Variants in GPATCH8 observed in about 807,000 individuals in gnomAD.
GPATCH8 encodes the protein G-patch domain containing 8.
In GPATCH8, 18 loss-of-function variants were observed where a neutral mutation model predicts 118.3. That is an observed-to-expected ratio of 0.15 (90% confidence interval 0.11 to 0.23). The LOEUF is 0.23. Among genes scored for constraint, GPATCH8 ranks in the 10% least tolerant of loss-of-function variants. The pLI is 1.00. For missense variants in GPATCH8, 1,631 were observed against 1,873.8 expected (o/e 0.87, Z 2.39); for synonymous variants, 659 against 684.7 (o/e 0.96, Z 0.59).
chr17:44,482,613 G>A (rs201819484), intron 1 of GPATCH8, among the ~76,000 whole-genome samples: 1 of 149,702 alleles, frequency 6.7e-6, no homozygotes, highest in Non-Finnish European at 1.5e-5. Context: ...CCTAGATGAC[G>A]GGTTCGTAGG....
intron 1 of GPATCH8, among the ~76,000 whole-genome samples, chr17:44,475,705 A>T (rs1967711306): frequency 6.6e-6 from 1 of 151,242 alleles, no homozygotes; most frequent in Non-Finnish European, 1.5e-5. Context: ...AAAACAAACA[A>T]ACAAACAAAC....
chr17:44,455,393 C>T (rs62081232), intron 3 of GPATCH8, among the ~76,000 whole-genome samples: 75,419 of 151,472 alleles, frequency 0.5, 20,418 homozygotes, highest in Middle Eastern at 0.62. Flanking sequence ...CCCAGCTACT[C>T]GGGAGGCTGA....
rs939059456 is a variant in GPATCH8 at position 44,503,366 on chromosome 17, G to A, written c.5C>T (p.Ala2Val). 5 of 1,608,828 alleles carry A rather than the reference G, an allele frequency of 3.1e-6. No homozygotes were observed. The African/African-American group carries it at 6.7e-5, about 22-fold the overall frequency. The stretch of plus-strand genomic sequence containing the variant: ...TTCGTTGAAGCGGGAGAAGCGGTCC[G>A]CCATTTTGCCGCCTTCACTCCTCTC... M[A>V]DRFSRFNEDR... Residue 2 changes from alanine to valine, a missense_variant, in exon 1 of 8, where the codon GCG becomes GTG. By Grantham distance (64) the Ala-to-Val change is moderately conservative. Transcript: ENST00000591680.
At chr17:44,442,042 T>TA (rs1457670213) in intron 3 of GPATCH8, among the ~76,000 whole-genome samples, 1 of 146,168 alleles carries the variant, frequency 6.8e-6, no homozygotes, top group Non-Finnish European at 1.5e-5. Flanking sequence ...GAGACAAAAA[T>TA]AAAATAAAAT....
Position 44,420,628 on chromosome 17 carries a change from G to A in GPATCH8, c.492+3721C>T, listed in dbSNP as rs537561113. On this transcript the variant is annotated intron_variant, in intron 6 of 7. Transcript: ENST00000591680. ...TGCAATAGAGAAAAGTGGTGGGAGA[G>A]CTGAGGTAACACAAGGTGTGCAGGA... Among the ~76,000 whole-genome samples the A allele has an allele frequency of 2.0e-5, 3 of 152,308 alleles. No individual in the cohort carries two copies. In the East Asian group the frequency reaches 5.8e-4, roughly 29 times the overall value.
At chr17:44,495,981 C>T (rs1969640040) in intron 1 of GPATCH8, among the ~76,000 whole-genome samples, 2 of 152,194 alleles carry the variant, frequency 1.3e-5, no homozygotes, top group Non-Finnish European at 1.5e-5. Context: ...GATTCTCCTG[C>T]CCCAGCCTCC....
At position 44,400,067 on chromosome 17, in the gene GPATCH8, C is replaced by T; in HGVS notation, c.2010G>A (p.Gly670=). ...RSLPSKKERS[G]KSHRHKKKKK... is the part of the protein sequence containing the mutation. ...TTTTCTTTTTGTGCCGGTGGGACTTCCCAGATCGTTCTTTCTTGCTGGGAA... is the reference window on the plus strand; with the variant it reads ...TTTTCTTTTTGTGCCGGTGGGACTTTCCAGATCGTTCTTTCTTGCTGGGAA... Residue 670 remains glycine, a synonymous_variant, in exon 8 of 8, where the codon GGG becomes GGA. Coordinates refer to ENST00000591680, the MANE Select transcript of GPATCH8 (RefSeq NM_001002909.4). 6.2e-7 allele frequency: 1 copy of T among 1,613,946 alleles called. No homozygotes were observed.
At position 44,399,220 on chromosome 17, in the gene GPATCH8, G is replaced by A. The variant is rs777367404; in HGVS notation, c.2857C>T (p.Arg953Cys). 12 of 1,613,770 alleles carry A rather than the reference G, an allele frequency of 7.4e-6. No individual in the cohort carries two copies. The highest frequency in any genetic ancestry group is 1.1e-5 in the South Asian group (1 of 91,074). Residue 953 changes from arginine to cysteine, a missense_variant, in exon 8 of 8, where the codon CGC (arginine) becomes TGC (cysteine). This residue lies in a region of GPATCH8 where 922 missense variants were observed against 879.7 expected (regional missense o/e 1.05). Coordinates refer to ENST00000591680, the MANE Select transcript of GPATCH8 (RefSeq NM_001002909.4). ...RSRSRSHTRE[R>C]SRSRGRSRSS... The stretch of plus-strand genomic sequence containing the variant: ...CGGCTGCGGCCCCGGGATCTTGAGC[G>A]CTCTCTGGTATGACTCCGAGATCGG...
At chr17:44,417,487 G>A (rs1439156604) in intron 6 of GPATCH8, among the ~76,000 whole-genome samples, 1 of 152,056 alleles carries the variant, frequency 6.6e-6, no homozygotes, top group Non-Finnish European at 1.5e-5. Context: ...CTAAAGTGCT[G>A]GGATTACAGG....
Position 44,400,370 on chromosome 17 carries a change from A to G in GPATCH8, c.1707T>C (p.Cys569=), listed in dbSNP as rs773909414. 1 of 1,613,914 alleles carries G rather than the reference A, an allele frequency of 6.2e-7. No individual in the cohort carries two copies. The highest frequency in any genetic ancestry group is 1.1e-5 in the South Asian group (1 of 91,080). The change falls in exon 8 of 8, where the codon TGT becomes TGC. Residue 569 remains cysteine (C), a synonymous_variant. Coordinates refer to ENST00000591680, the MANE Select transcript of GPATCH8 (RefSeq NM_001002909.4). ...TKAEPSISYS[C]NPLYFDFKLS... ...GTTTAAAGTCAAAATATAAAGGGTT[A>G]CAACTGTATGAAATGGAGGGTTCTG...
chr17:44,403,045 C>T (rs570286427), intron 7 of GPATCH8, among the ~76,000 whole-genome samples: 14 of 152,228 alleles, frequency 9.2e-5, no homozygotes, highest in African/African-American at 3.4e-4. Context: ...TCCTAAGTAG[C>T]TATGACTACA....
intron 1 of GPATCH8, among the ~76,000 whole-genome samples, chr17:44,489,163 G>T (rs1294662846): frequency 6.6e-6 from 1 of 152,098 alleles, no homozygotes; most frequent in African/African-American, 2.4e-5. Flanking sequence ...CAAACTGCTA[G>T]AAAATGTGCT....
chr17:44,419,731 G>A (rs2049825377), intron 6 of GPATCH8, among the ~76,000 whole-genome samples: 1 of 151,788 alleles, frequency 6.6e-6, no homozygotes, highest in Admixed American at 6.6e-5. Flanking sequence ...CACGAGCATA[G>A]CTCACTGCAG....
intron 3 of GPATCH8, among the ~76,000 whole-genome samples, chr17:44,464,114 C>A (rs111504803): frequency 6.6e-6 from 1 of 152,006 alleles, no homozygotes; most frequent in African/African-American, 2.4e-5. Flanking sequence ...AATACTGAAG[C>A]CAGAATACAT....
intron 5 of GPATCH8, among the ~76,000 whole-genome samples, chr17:44,434,676 G>A (rs758595693): frequency 6.6e-6 from 1 of 152,198 alleles, no homozygotes; most frequent in Non-Finnish European, 1.5e-5. Flanking sequence ...CGTCTCTACT[G>A]AGTGTTGGGG....
chr17:44,440,981 G>C (rs1489301490), intron 3 of GPATCH8, among the ~76,000 whole-genome samples: 7 of 152,098 alleles, frequency 4.6e-5, no homozygotes, highest in African/African-American at 1.7e-4. Context: ...CTCCTGAGTA[G>C]CCGGGACTAC....
At chr17:44,438,874 G>C (rs781442950) in intron 3 of GPATCH8, among the ~76,000 whole-genome samples, 1 of 152,150 alleles carries the variant, frequency 6.6e-6, no homozygotes, top group Non-Finnish European at 1.5e-5. Context: ...TACAGCAGCT[G>C]TTTTCATACT....
rs200427834 is a variant in GPATCH8, at chr17:44,405,914, T to C, written c.623+7A>G. ...CTGTACAACCCTCTGATAAAAAATA[T>C]CCTCACCATTCAGCTTGTTTTCTTT... On this transcript the variant is annotated splice_region_variant and intron_variant, in intron 7 of 7. Transcript: ENST00000591680. The C allele has an allele frequency of 9.4e-4, 1,502 of 1,598,748 alleles. 1 individual carries two copies. The highest frequency in any genetic ancestry group is 1.2e-3 in the Non-Finnish European group (1,381 of 1,166,126).
intron 5 of GPATCH8, among the ~76,000 whole-genome samples, chr17:44,433,224 G>A (rs1282094389): frequency 1.3e-5 from 2 of 151,948 alleles, no homozygotes; most frequent in East Asian, 1.9e-4. Context: ...TTTTTCACTC[G>A]ACAGTGTAAC....
Sources: allele counts gnomAD v4.1 joint callset (sites outside exome capture counted in the v4.1 genomes callset), GRCh38; gene constraint gnomAD v4.1.1; regional missense constraint gnomAD v4.1.1; transcripts MANE v1.5; gene names NCBI Gene and HGNC (gene_info 2026-07-23, HGNC 2026-07-21).